Variants in XCR1 observed in about 807,000 individuals in gnomAD.
XCR1 encodes the protein chemokine XC receptor 1.
For synonymous variants in XCR1, 187 were observed against 188.5 expected (o/e 0.99, Z 0.06); for missense variants, 356 against 424.2 (o/e 0.84, Z 1.41).
chr3:46,040,484 A>G (rs1181917726), intron 5 of XCR1, among the ~76,000 whole-genome samples: 1 of 152,174 alleles, frequency 6.6e-6, no homozygotes, highest in Non-Finnish European at 1.5e-5. Context: ...GCATTGTCAA[A>G]TGTGAAGTGG....
In XCR1 at chr3:46,073,065, G is replaced by A. The variant is rs190526274; in HGVS notation, c.-263+1586C>T. On this transcript the variant is annotated intron_variant, in intron 3 of 5. Transcript: ENST00000683768. ...AATGGTGCTGGAAAAATTGAATTGC[G>A]ATATGCAGAAGAATGAAATTGGAAC... Among the ~76,000 whole-genome samples, 25 of 152,146 alleles carry A rather than the reference G, an allele frequency of 1.6e-4. No individual in the cohort carries two copies. In the South Asian group the frequency reaches 2.5e-3, roughly 15 times the overall value.
rs1420867148 is a variant in XCR1 at position 46,018,474 on chromosome 3, AG to A, written c.*2471del. ...TGTTTGAAAGATTAGGCCAACTAGA[AG>A]CCCATAGGCTTAGCTCTGATACCAC... is the stretch of plus-strand genomic sequence containing the variant. On this transcript the variant is annotated 3_prime_UTR_variant, in exon 2 of 2. Coordinates refer to ENST00000309285, the MANE Select transcript of XCR1 (RefSeq NM_001024644.2). 2.0e-5 allele frequency: 3 copies of A among 152,038 alleles called. No individual in the cohort carries two copies. The highest frequency in any genetic ancestry group is 7.3e-5 in the African/African-American group (3 of 41,270). The allele number at this position is 152,038 out of a possible 1,614,324, so 9.4% of individuals were successfully genotyped here.
Position 46,021,129 on chromosome 3 carries a change from G to A in XCR1, c.819C>T (p.Arg273=). 6.2e-7 allele frequency: 1 copy of A among 1,614,266 alleles called. No individual in the cohort carries two copies. The highest frequency in any genetic ancestry group is 8.5e-7 in the Non-Finnish European group (1 of 1,180,044). ...AGCAGCAGTGGGAGAAGGCGAGGTTGCGGCAGATGAGCAGGGCGTATTCTA... is the reference window on the plus strand; with the variant it reads ...AGCAGCAGTGGGAGAAGGCGAGGTTACGGCAGATGAGCAGGGCGTATTCTA... The part of the protein sequence containing the change: ...QQLEYALLIC[R]NLAFSHCCFN... Residue 273 remains arginine, a synonymous_variant, in exon 2 of 2, where the codon CGC becomes CGT. Transcript: ENST00000309285. The surrounding 1 kb of genome is among the most constrained non-coding windows in gnomAD (Gnocchi z 4.7).
intron 5 of XCR1, among the ~76,000 whole-genome samples, chr3:46,033,203 G>T (rs1271572430): frequency 6.6e-6 from 1 of 151,548 alleles, no homozygotes; most frequent in Non-Finnish European, 1.5e-5. Flanking sequence ...TCCTACCTAG[G>T]TATCAGAAAA....
intron 5 of XCR1, among the ~76,000 whole-genome samples, chr3:46,037,615 A>C (rs1051275800): frequency 6.6e-6 from 1 of 152,200 alleles, no homozygotes; most frequent in Non-Finnish European, 1.5e-5. Context: ...CTTTATGCAC[A>C]CACAGAGAAA....
rs552813317 is a variant in XCR1 at position 46,071,268 on chromosome 3, G to A, written c.-263+3383C>T. On this transcript the variant is annotated intron_variant, in intron 3 of 5. Coordinates refer to the XCR1 transcript ENST00000683768. ...AAATAACAAGTAATGAGAATGCATCGATAATAAAAAAAATTGCCAGATTTT... is the reference window on the plus strand; with the variant it reads ...AAATAACAAGTAATGAGAATGCATCAATAATAAAAAAAATTGCCAGATTTT... Among the ~76,000 whole-genome samples, 127 of 151,924 alleles carry A rather than the reference G, an allele frequency of 8.4e-4. 1 individual carries two copies. Among genetic ancestry groups the A allele is most frequent in the South Asian group, 4.1e-3 (20 of 4,822 alleles).
chr3:46,039,004 CA>C lies in XCR1; in HGVS notation c.-32+14915del, dbSNP rs1251290562. ...TTAAAAAAAAAAAAGTGAGACTTTC[CA>C]GTTATCTTTGACCCAAAGCCATTTA... On this transcript the variant is annotated intron_variant, in intron 5 of 5. Coordinates refer to the XCR1 transcript ENST00000683768. 4.0e-5 allele frequency among the ~76,000 whole-genome samples: 6 copies of C among 149,564 alleles called. No homozygotes were observed. The East Asian group carries it at 1.2e-3, about 29-fold the overall frequency.
At chr3:46,078,832 G>A (rs1229023571) in intron 1 of XCR1, among the ~76,000 whole-genome samples, 2 of 152,202 alleles carry the variant, frequency 1.3e-5, no homozygotes, top group African/African-American at 4.8e-5. Flanking sequence ...CAGAGTCTCT[G>A]CAGACTTTGC....
intron 1 of XCR1, among the ~76,000 whole-genome samples, chr3:46,082,586 G>A (rs1698393594): frequency 6.7e-6 from 1 of 148,808 alleles, no homozygotes; most frequent in Non-Finnish European, 1.5e-5. Context: ...CAACTCCTGG[G>A]CTCAAGCAAT....
chr3:46,040,120 G>C (rs1697511835), intron 5 of XCR1, among the ~76,000 whole-genome samples: 1 of 152,070 alleles, frequency 6.6e-6, no homozygotes, highest in Admixed American at 6.6e-5. Context: ...TACCTTTTGA[G>C]TAAAACCACA....
At chr3:46,060,810 C>G (rs1178245400) in intron 4 of XCR1, among the ~76,000 whole-genome samples, 1 of 152,190 alleles carries the variant, frequency 6.6e-6, no homozygotes, top group Non-Finnish European at 1.5e-5. Context: ...AGGACGCTTC[C>G]CCAGTACTAC....
chr3:46,037,924 A>C (rs971361942), intron 5 of XCR1, among the ~76,000 whole-genome samples: 6 of 152,158 alleles, frequency 3.9e-5, no homozygotes, highest in African/African-American at 1.4e-4. Context: ...ATGTACCTAG[A>C]TGAATTTCTT....
intron 3 of XCR1, among the ~76,000 whole-genome samples, chr3:46,069,280 A>C (rs1698126755): frequency 6.6e-6 from 1 of 152,190 alleles, no homozygotes. Flanking sequence ...AACTGAAAAC[A>C]TAAAAAAGAA....
upstream of XCR1, among the ~76,000 whole-genome samples, chr3:46,028,772 T>G (rs1708348842): frequency 6.6e-6 from 1 of 152,062 alleles, no homozygotes; most frequent in African/African-American, 2.4e-5. Context: ...TTAATTTTTT[T>G]GTAGAGACAG....
chr3:46,047,606 A>G (rs1044651296), intron 5 of XCR1, among the ~76,000 whole-genome samples: 2 of 152,198 alleles, frequency 1.3e-5, no homozygotes, highest in Non-Finnish European at 2.9e-5. Context: ...AGATGTTGCT[A>G]TTCATAAATG....
intron 5 of XCR1, among the ~76,000 whole-genome samples, chr3:46,043,065 T>C (rs1200948238): frequency 1.3e-5 from 2 of 152,114 alleles, no homozygotes; most frequent in East Asian, 3.9e-4. Flanking sequence ...AATATAAGGA[T>C]AAAATCATGT....
chr3:46,043,461 A>G (rs550469343), intron 5 of XCR1, among the ~76,000 whole-genome samples: 2 of 152,102 alleles, frequency 1.3e-5, no homozygotes, highest in African/African-American at 4.8e-5. Context: ...ACCAAACCAA[A>G]ACAAAAAAGT....
chr3:46,069,771 G>T (rs1490997107), intron 3 of XCR1, among the ~76,000 whole-genome samples: 1 of 151,854 alleles, frequency 6.6e-6, no homozygotes, highest in Non-Finnish European at 1.5e-5. Context: ...TTGATAATTT[G>T]TATTGTTTTC....
At position 46,017,966 on chromosome 3, in the gene XCR1, G is replaced by A. The variant is rs1444452793; in HGVS notation, c.*2980C>T. On this transcript the variant is annotated 3_prime_UTR_variant, in exon 2 of 2. Coordinates refer to ENST00000309285, the MANE Select transcript of XCR1 (RefSeq NM_001024644.2). ...CGTGGCTCATGGTGTGCAACTCTCT[G>A]GAAACTCCTTTTCAGCAGTGTCATC... 6.6e-6 allele frequency: 1 copy of A among 152,232 alleles called. No homozygotes were observed. Among genetic ancestry groups the A allele is most frequent in the Non-Finnish European group, 1.5e-5 (1 of 68,064 alleles). The allele number at this position is 152,232 out of a possible 1,614,324, so 9.4% of individuals were successfully genotyped here.
Sources: allele counts gnomAD v4.1 joint callset (sites outside exome capture counted in the v4.1 genomes callset), GRCh38; gene constraint gnomAD v4.1.1; non-coding constraint Gnocchi (gnomAD v3.1); transcripts MANE v1.5; gene names NCBI Gene and HGNC (gene_info 2026-07-23, HGNC 2026-07-21).